The following AK5 variants were observed in gnomAD, a reference collection of about 807,000 sequenced individuals.
AK5 encodes the protein adenylate kinase isoenzyme 5.
A neutral mutation model predicts 69.5 loss-of-function variants in AK5; 27 were observed. The ratio of observed to expected loss-of-function variants is 0.39; its 90% CI spans 0.29 to 0.54. AK5 has a LOEUF of 0.54. Ranked by LOEUF, AK5 falls within the 20% of genes least tolerant of loss-of-function variation. The pLI, the probability that AK5 is intolerant of heterozygous loss-of-function variation, is 0.71. For synonymous variants in AK5, 260 were observed against 244.4 expected (o/e 1.06, Z -0.60); for missense variants, 531 against 700.4 (o/e 0.76, Z 2.73).
intron 6 of AK5, among the ~76,000 whole-genome samples, chr1:77,354,316 A>G (rs1287960134): frequency 6.6e-6 from 1 of 152,238 alleles, no homozygotes; most frequent in Non-Finnish European, 1.5e-5. Context: ...AATTATTCTG[A>G]GATTTCTAGC....
chr1:77,519,911 A>C (rs1325145986), intron 11 of AK5, among the ~76,000 whole-genome samples: 1 of 152,132 alleles, frequency 6.6e-6, no homozygotes, highest in Non-Finnish European at 1.5e-5. Flanking sequence ...GTGACTTAGA[A>C]TGCTTAACCT....
chr1:77,283,243 A>G, intron 1 of AK5: 1 of 985,418 alleles, frequency 1.0e-6, no homozygotes, highest in Non-Finnish European at 1.2e-6. Context: ...TTCTCTTTGT[A>G]TTTGAATTTA....
intron 5 of AK5, among the ~76,000 whole-genome samples, chr1:77,313,149 T>C (rs1328238117): frequency 1.3e-5 from 2 of 152,154 alleles, no homozygotes; most frequent in Non-Finnish European, 2.9e-5. Flanking sequence ...TACAATAGTA[T>C]TTATATTTGA....
intron 10 of AK5, among the ~76,000 whole-genome samples, chr1:77,493,022 A>T (rs1656087130): frequency 6.6e-6 from 1 of 152,206 alleles, no homozygotes; most frequent in Non-Finnish European, 1.5e-5. Context: ...CTCTGAAGTG[A>T]AATCGGGCAG....
intron 6 of AK5, among the ~76,000 whole-genome samples, chr1:77,405,299 C>T (rs149302518): frequency 1.3e-5 from 2 of 152,224 alleles, no homozygotes; most frequent in Non-Finnish European, 2.9e-5. Flanking sequence ...AGCTGCTACA[C>T]GGGAGAGCAG....
intron 13 of AK5, among the ~76,000 whole-genome samples, chr1:77,546,217 G>C (rs1336750951): frequency 6.6e-6 from 1 of 152,090 alleles, no homozygotes; most frequent in Non-Finnish European, 1.5e-5. Flanking sequence ...TTCCTCTGTG[G>C]TTGCTATAAT....
chr1:77,557,072 C>T (rs746441223), intron 13 of AK5, among the ~76,000 whole-genome samples: 1 of 152,086 alleles, frequency 6.6e-6, no homozygotes, highest in Non-Finnish European at 1.5e-5. Context: ...CCTCCCCCCA[C>T]ATATACACCC....
chr1:77,486,400 A>G, intron 10 of AK5, 48 bp downstream of exon 10: 1 of 1,437,050 alleles, frequency 7.0e-7, no homozygotes, highest in Non-Finnish European at 9.7e-7. Context: ...GCTAATAATA[A>G]GAATTTGGTA....
At chr1:77,421,672 C>G (rs1347304676) in intron 8 of AK5, among the ~76,000 whole-genome samples, 2 of 152,160 alleles carry the variant, frequency 1.3e-5, no homozygotes, top group African/African-American at 4.8e-5. Flanking sequence ...GTTTGTTGAG[C>G]ACCAAGCCAG....
At chr1:77,423,496 A>G (rs963544542) in intron 8 of AK5, among the ~76,000 whole-genome samples, 1 of 152,112 alleles carries the variant, frequency 6.6e-6, no homozygotes, top group African/African-American at 2.4e-5. Context: ...AAGCTGAACA[A>G]CTGAAAATAA....
intron 6 of AK5, among the ~76,000 whole-genome samples, chr1:77,370,581 T>C (rs968218577): frequency 6.6e-6 from 1 of 152,098 alleles, no homozygotes; most frequent in African/African-American, 2.4e-5. Context: ...ACTTTAGAGA[T>C]GGATCAGGAT....
chr1:77,307,897 G>A (rs1779178), intron 5 of AK5, among the ~76,000 whole-genome samples: 134,672 of 152,174 alleles, frequency 0.88, 59,945 homozygotes, highest in Middle Eastern at 0.97. Context: ...CCTGGTTTTC[G>A]GTTTTCATGA....
rs1647733513 is a variant in AK5, at chr1:77,382,689, A to G, written c.892-28292A>G. ...GTATGTTTTTATTCTATTTTATCCC[A>G]CCAACCATCTGTGGATTCTTGGGCA... is the stretch of plus-strand genomic sequence containing the variant. On this transcript the variant is annotated intron_variant, in intron 6 of 13. Transcript: ENST00000354567. Among the ~76,000 whole-genome samples the G allele has an allele frequency of 2.6e-5, 4 of 152,054 alleles. No individual in the cohort carries two copies. In the South Asian group the frequency reaches 6.2e-4, roughly 24 times the overall value.
chr1:77,314,043 A>G lies in AK5; in HGVS notation c.699+16096A>G, dbSNP rs1358540635. 3 of 373,632 alleles carry G rather than the reference A, an allele frequency of 8.0e-6. No homozygotes were observed. In the East Asian group the frequency reaches 2.2e-4, roughly 27 times the overall value. The allele number at this position is 373,632 out of a possible 1,614,324, so 23.1% of individuals were successfully genotyped here. A position where few individuals can be genotyped will look rare whatever the true frequency, so the allele number is the denominator to read the frequency against. ...AATAATTGTAGTCATAGTAATGACA[A>G]TATTGAACATATATTGAGAATTTGC... On this transcript the variant is annotated intron_variant, in intron 5 of 13. Transcript: ENST00000354567.
chr1:77,352,880 T>C (rs1662286261), intron 6 of AK5, among the ~76,000 whole-genome samples: 2 of 152,176 alleles, frequency 1.3e-5, no homozygotes, highest in South Asian at 2.1e-4. Context: ...TAGGTTAGTC[T>C]TAAGTTTCAT....
chr1:77,423,087 G>C (rs1044485301), intron 8 of AK5, among the ~76,000 whole-genome samples: 6 of 151,990 alleles, frequency 3.9e-5, no homozygotes, highest in Admixed American at 6.6e-5. Flanking sequence ...CGGGCGTGGT[G>C]GTGGGCACCT....
intron 6 of AK5, among the ~76,000 whole-genome samples, chr1:77,376,433 C>CAAAAAAAAAAAAAAAA (rs757594684): frequency 2.2e-4 from 3 of 13,440 alleles, no homozygotes; most frequent in African/African-American, 5.1e-4. Flanking sequence ...CACTCAATGC[C>CAAAAAAAAAAAAAAAA]AAAAAAAAAA....
intron 5 of AK5, among the ~76,000 whole-genome samples, chr1:77,331,877 A>G (rs1374763074): frequency 6.6e-6 from 1 of 152,204 alleles, no homozygotes; most frequent in Non-Finnish European, 1.5e-5. Flanking sequence ...TCATAAATAT[A>G]GGACTATTTA....
chr1:77,418,812 C>T (rs1570536558), intron 8 of AK5, among the ~76,000 whole-genome samples: 1 of 152,114 alleles, frequency 6.6e-6, no homozygotes, highest in South Asian at 2.1e-4. Flanking sequence ...TAATGGCTGG[C>T]TGTATATTTC....
Sources: allele counts gnomAD v4.1 joint callset (sites outside exome capture counted in the v4.1 genomes callset), GRCh38; gene constraint gnomAD v4.1.1; transcripts MANE v1.5; gene names NCBI Gene and HGNC (gene_info 2026-07-23, HGNC 2026-07-21).